SLC2A13: variants seen among roughly 807,000 people sequenced by gnomAD.
SLC2A13 encodes the protein solute carrier family 2 member 13, also known as proton myo-inositol cotransporter.
A neutral mutation model predicts 64.4 loss-of-function variants in SLC2A13; 32 were observed. The ratio of observed to expected loss-of-function variants is 0.50; its 90% CI spans 0.37 to 0.67. SLC2A13 has a LOEUF of 0.67. SLC2A13 is among the 30% of genes least tolerant of loss of function. SLC2A13 has a pLI of 0.00. For synonymous variants in SLC2A13, 338 were observed against 327.1 expected (o/e 1.03, Z -0.36); for missense variants, 743 against 829.2 (o/e 0.90, Z 1.28).
chr12:39,952,151 T>C (rs181115417), intron 3 of SLC2A13, among the ~76,000 whole-genome samples: 1 of 152,280 alleles, frequency 6.6e-6, no homozygotes, highest in East Asian at 1.9e-4. Flanking sequence ...CTTAAGTAGG[T>C]TGACTAACCT....
At chr12:39,967,863 G>A (rs28370715) in intron 3 of SLC2A13, among the ~76,000 whole-genome samples, 2,710 of 152,174 alleles carry the variant, frequency 0.018, 98 homozygotes, top group African/African-American at 0.061. Context: ...GCAAAGAACT[G>A]ACATATTTAA....
chr12:40,090,667 C>T (rs1274291918), intron 1 of SLC2A13, among the ~76,000 whole-genome samples: 1 of 152,166 alleles, frequency 6.6e-6, no homozygotes, highest in African/African-American at 2.4e-5. Flanking sequence ...ATCTCTTGCA[C>T]AGATGAATAA....
At position 39,764,450 on chromosome 12, in the gene SLC2A13, A is replaced by G; in HGVS notation, c.1720+10T>C. On this transcript the variant is annotated intron_variant, in intron 9 of 9. Transcript: ENST00000280871. ...AAAACAAAACTATGTTAGAAAAAAT[A>G]TTATCTTACCATAGTATGTAAGATA... is the stretch of plus-strand genomic sequence containing the variant. 4.5e-6 allele frequency: 7 copies of G among 1,553,202 alleles called. No homozygotes were observed. The highest frequency in any genetic ancestry group is 6.1e-6 in the Non-Finnish European group (7 of 1,156,260).
intron 3 of SLC2A13, among the ~76,000 whole-genome samples, chr12:40,015,284 G>A (rs973996277): frequency 1.3e-5 from 2 of 151,994 alleles, no homozygotes; most frequent in Non-Finnish European, 2.9e-5. Context: ...CTTAATAACA[G>A]AGGTGATTCT....
intron 6 of SLC2A13, among the ~76,000 whole-genome samples, chr12:39,844,472 A>G (rs571211034): frequency 6.6e-6 from 1 of 152,228 alleles, no homozygotes; most frequent in South Asian, 2.1e-4. Context: ...AATATTCCCT[A>G]ATTTTTAGTA....
chr12:40,034,753 G>T lies in SLC2A13; in HGVS notation c.717-6244C>A, dbSNP rs141496961. Among the ~76,000 whole-genome samples the T allele has an allele frequency of 3.6e-3, 555 of 152,102 alleles. 1 individual carries two copies. Among genetic ancestry groups the T allele is most frequent in the Non-Finnish European group, 7.1e-3 (485 of 67,986 alleles). The stretch of plus-strand genomic sequence containing the variant: ...CTCAAAATCTTTTTTTCCTGCATTA[G>T]TTCACGGAAAATAAAAAGGGTTAGC... On this transcript the variant is annotated intron_variant, in intron 2 of 9. Transcript: ENST00000280871.
rs1424461525 is a variant in SLC2A13, at chr12:39,864,845, A to G, written c.1236T>C (p.Phe412=). The G allele has an allele frequency of 1.2e-6, 2 of 1,614,086 alleles. No homozygotes were observed. Among genetic ancestry groups the G allele is most frequent in the African/African-American group, 2.7e-5 (2 of 75,044 alleles). The change falls in exon 6 of 10, where the codon TTT becomes TTC. Residue 412 remains phenylalanine (F), a synonymous_variant. Coordinates refer to ENST00000280871, the MANE Select transcript of SLC2A13 (RefSeq NM_052885.4). The part of the protein sequence containing the change: ...TVALIILALG[F]VLSAQVSPRI... ...GTGGGGAAACTTGGGCTGATAGCAC[A>G]AATCCCAAGGCAAGAATAATGAGTG...
At chr12:39,954,227 A>G (rs1946280708) in intron 3 of SLC2A13, among the ~76,000 whole-genome samples, 1 of 152,232 alleles carries the variant, frequency 6.6e-6, no homozygotes, top group Admixed American at 6.5e-5. Flanking sequence ...TCCAGGCTGC[A>G]GCACAGGGCA....
At chr12:39,869,250 C>G (rs1943982045) in intron 5 of SLC2A13, among the ~76,000 whole-genome samples, 1 of 152,088 alleles carries the variant, frequency 6.6e-6, no homozygotes, top group Admixed American at 6.6e-5. Flanking sequence ...AATGTGTTAA[C>G]AAGGTTGTTG....
intron 4 of SLC2A13, among the ~76,000 whole-genome samples, chr12:39,914,022 T>A (rs1945477922): frequency 6.6e-6 from 1 of 152,010 alleles, no homozygotes; most frequent in South Asian, 2.1e-4. Flanking sequence ...AATACAATTT[T>A]AAATTAGTAA....
rs549542129 is a variant in SLC2A13, at chr12:39,803,795, G to A, written c.1445+26308C>T. Among the ~76,000 whole-genome samples, 4 of 152,288 alleles carry A rather than the reference G, an allele frequency of 2.6e-5. 1 individual carries two copies. Among genetic ancestry groups the A allele is most frequent in the Admixed American group, 2.6e-4 (4 of 15,292 alleles). ...ACCGGAATTCCAAAAGGACAGAAGA[G>A]AGATAATATGGTAAGTAATATCTGA... On this transcript the variant is annotated intron_variant, in intron 7 of 9. Coordinates refer to ENST00000280871, the MANE Select transcript of SLC2A13 (RefSeq NM_052885.4).
intron 2 of SLC2A13, among the ~76,000 whole-genome samples, chr12:40,040,008 G>C (rs1376357345): frequency 6.6e-6 from 1 of 152,118 alleles, no homozygotes; most frequent in East Asian, 1.9e-4. Flanking sequence ...CATCTTCAGG[G>C]GAATTAGACT....
At position 39,951,366 on chromosome 12, in the gene SLC2A13, CT is replaced by C; in HGVS notation, c.926-2del. 1.3e-6 allele frequency: 2 copies of C among 1,532,084 alleles called. No individual in the cohort carries two copies. Among genetic ancestry groups the C allele is most frequent in the Non-Finnish European group, 1.7e-6 (2 of 1,145,644 alleles). The allele number at this position is 1,532,084 out of a possible 1,614,324, so 94.9% of individuals were successfully genotyped here. ...AGCATTCTGCAGATCACAGGTCCAG[CT>C]TTTTTAAGAAAGAAAGAAAAAAAAA... On this transcript the variant is annotated splice_acceptor_variant, in intron 3 of 9. Transcript: ENST00000280871. LOFTEE classifies it high-confidence loss of function.
At chr12:39,992,549 G>T (rs1004027999) in intron 3 of SLC2A13, among the ~76,000 whole-genome samples, 15 of 151,910 alleles carry the variant, frequency 9.9e-5, no homozygotes, top group South Asian at 4.2e-4. Flanking sequence ...CCCTGTCACT[G>T]TTTTCCTTCC....
At chr12:40,103,841 G>T in intron 1 of SLC2A13, among the ~76,000 whole-genome samples, 1 of 152,328 alleles carries the variant, frequency 6.6e-6, no homozygotes, top group Middle Eastern at 3.4e-3. Context: ...CACACAAATA[G>T]GTTTCATTTC....
intron 3 of SLC2A13, among the ~76,000 whole-genome samples, chr12:39,973,438 T>C (rs556176276): frequency 1.1e-4 from 16 of 152,336 alleles, no homozygotes; most frequent in South Asian, 1.0e-3. Flanking sequence ...ATTCCTTCTC[T>C]TCTCCCCATA....
rs577248086 is a variant in SLC2A13 at position 39,830,758 on chromosome 12, T to C, written c.1320-530A>G. 1.1e-3 allele frequency among the ~76,000 whole-genome samples: 170 copies of C among 152,310 alleles called. 3 individuals are homozygous for C. Among genetic ancestry groups the C allele is most frequent in the Middle Eastern group, 6.8e-3 (2 of 294 alleles). On this transcript the variant is annotated intron_variant, in intron 6 of 9. Transcript: ENST00000280871. ...GAAAACAGTTAAATAAAAATACTACTACTCAAATATGGCCATTGTTAACAT... is the reference window on the plus strand; with the variant it reads ...GAAAACAGTTAAATAAAAATACTACCACTCAAATATGGCCATTGTTAACAT...
At chr12:39,783,588 T>C (rs1308089673) in intron 7 of SLC2A13, among the ~76,000 whole-genome samples, 2 of 152,252 alleles carry the variant, frequency 1.3e-5, no homozygotes, top group Admixed American at 6.5e-5. Flanking sequence ...TGGTATCTCA[T>C]TGTGGCTTTG....
intron 7 of SLC2A13, among the ~76,000 whole-genome samples, chr12:39,826,496 C>A (rs66542821): frequency 0.037 from 5,380 of 146,658 alleles, 313 homozygotes; most frequent in African/African-American, 0.12. Flanking sequence ...TACTTTGAGT[C>A]TCTTATTTCT....
Sources: allele counts gnomAD v4.1 joint callset (sites outside exome capture counted in the v4.1 genomes callset), GRCh38; gene constraint gnomAD v4.1.1; transcripts MANE v1.5; gene names NCBI Gene and HGNC (gene_info 2026-07-23, HGNC 2026-07-21).